ANO3: variants seen among roughly 807,000 people sequenced by gnomAD.
ANO3 encodes anoctamin 3, also known as anoctamin-3.
A neutral mutation model predicts 144.8 loss-of-function variants in ANO3; 99 were observed. The observed-to-expected ratio is 0.68, with a 90% CI of 0.58 to 0.81. The LOEUF is 0.81. Ranked by LOEUF, ANO3 falls within the 30% of genes least tolerant of loss-of-function variation. The probability of loss-of-function intolerance (pLI) is 0.00; values close to 1 mark genes in which losing one functional copy is unlikely to be tolerated. For missense variants in ANO3, 905 were observed against 1,202.2 expected (o/e 0.75, Z 3.66); for synonymous variants, 414 against 392.6 (o/e 1.05, Z -0.64).
At chr11:26,200,358 C>G (rs951520740) in intron 1 of ANO3, among the ~76,000 whole-genome samples, 1 of 152,166 alleles carries the variant, frequency 6.6e-6, no homozygotes, top group African/African-American at 2.4e-5. Context: ...AAATTTCTCT[C>G]AAATATTGTC....
intron 1 of ANO3, among the ~76,000 whole-genome samples, chr11:26,320,519 C>T (rs538552894): frequency 1.9e-4 from 29 of 152,138 alleles, no homozygotes; most frequent in Admixed American, 1.4e-3. Flanking sequence ...TCTAGATCTT[C>T]GTTTACTTTT....
chr11:26,429,106 G>T (rs186033639), intron 1 of ANO3, among the ~76,000 whole-genome samples: 2 of 152,080 alleles, frequency 1.3e-5, no homozygotes, highest in South Asian at 2.1e-4. Context: ...GCTGGTAAGC[G>T]CAATTCATTG....
Position 26,238,434 on chromosome 11 carries a change from G to A in ANO3, c.154+49104G>A, listed in dbSNP as rs181515488. Among the ~76,000 whole-genome samples, 37 of 152,118 alleles carry A rather than the reference G, an allele frequency of 2.4e-4. No homozygotes were observed. In the East Asian group the frequency reaches 4.1e-3, roughly 17 times the overall value. ...ATCATCATAGGTTAAGACTGAAAAG[G>A]TTAGGAGGTAATCTGATTTAACATT... On this transcript the variant is annotated intron_variant, in intron 1 of 27. Coordinates refer to the ANO3 transcript ENST00000672621.
chr11:26,371,588 T>G (rs951937646), intron 1 of ANO3, among the ~76,000 whole-genome samples: 3 of 152,180 alleles, frequency 2.0e-5, no homozygotes, highest in Admixed American at 2.0e-4. Flanking sequence ...CGCCAGCCCA[T>G]GAGGGCAGCC....
At chr11:26,406,147 T>A (rs1273884379) in intron 1 of ANO3, among the ~76,000 whole-genome samples, 1 of 151,920 alleles carries the variant, frequency 6.6e-6, no homozygotes, top group Non-Finnish European at 1.5e-5. Context: ...GTATTTCTTA[T>A]GGGCTTGGAG....
At chr11:26,627,507 A>G (rs1332549605) in intron 18 of ANO3, among the ~76,000 whole-genome samples, 1 of 151,980 alleles carries the variant, frequency 6.6e-6, no homozygotes, top group African/African-American at 2.4e-5. Context: ...TCTGAGCTGC[A>G]TTTTCTTCAG....
chr11:26,663,038 G>T lies in ANO3; in HGVS notation c.*2594G>T, dbSNP rs903804958. The T allele has an allele frequency of 6.6e-6, 1 of 152,366 alleles. No individual in the cohort carries two copies. Among genetic ancestry groups the T allele is most frequent in the African/African-American group, 2.4e-5 (1 of 41,384 alleles). The allele number at this position is 152,366 out of a possible 1,614,324, so 9.4% of individuals were successfully genotyped here. On this transcript the variant is annotated 3_prime_UTR_variant, in exon 27 of 27. Coordinates refer to ENST00000256737, the MANE Select transcript of ANO3 (RefSeq NM_031418.4). ...TATATATGTGCATGCAGTCTGCCTT[G>T]ACAAGTTGTTCCAAGCTGAAGAGCT...
At chr11:26,537,679 T>C (rs1849546712) in intron 10 of ANO3, among the ~76,000 whole-genome samples, 1 of 152,180 alleles carries the variant, frequency 6.6e-6, no homozygotes, top group Non-Finnish European at 1.5e-5. Flanking sequence ...AATCCCAGCC[T>C]TAGCGAGAAC....
Position 26,371,503 on chromosome 11 carries a change from A to G in ANO3, c.46+39182A>G, listed in dbSNP as rs78758243. 8.1e-4 allele frequency among the ~76,000 whole-genome samples: 124 copies of G among 152,306 alleles called. 1 individual carries two copies. Among genetic ancestry groups the G allele is most frequent in the African/African-American group, 2.9e-3 (122 of 41,580 alleles). ...GAGCTGTAAGAAGAGGACCATCATC[A>G]TCATCCTTTAGACCCAGAATGGTAG... On this transcript the variant is annotated intron_variant, in intron 1 of 26. Transcript: ENST00000256737.
At chr11:26,441,118 T>TGTTTTG (rs1376441077) in intron 1 of ANO3, among the ~76,000 whole-genome samples, 7 of 120,758 alleles carry the variant, frequency 5.8e-5, no homozygotes, top group African/African-American at 2.3e-4. Context: ...TTTTTTTTTT[T>TGTTTTG]TTTTTTTTTT....
At chr11:26,257,433 A>G (rs76206515) in intron 1 of ANO3, among the ~76,000 whole-genome samples, 2,794 of 152,218 alleles carry the variant, frequency 0.018, 68 homozygotes, top group East Asian at 0.12. Flanking sequence ...GTCTCCCAAC[A>G]GTTAAATCCT....
chr11:26,590,937 A>G (rs1025476988), intron 14 of ANO3, among the ~76,000 whole-genome samples: 1 of 152,120 alleles, frequency 6.6e-6, no homozygotes, highest in African/African-American at 2.4e-5. Flanking sequence ...GGGGACCCAA[A>G]GGGGGTTGCC....
chr11:26,633,033 C>G (rs966996685), intron 18 of ANO3, among the ~76,000 whole-genome samples: 15 of 152,154 alleles, frequency 9.9e-5, no homozygotes, highest in African/African-American at 3.6e-4. Flanking sequence ...TGGCAACTAC[C>G]GCCTTTGGAC....
At chr11:26,365,973 TATATATATATATATATATATATATATA>T (rs1466492144) in intron 1 of ANO3, among the ~76,000 whole-genome samples, 1,534 of 53,424 alleles carry the variant, frequency 0.029, 46 homozygotes, top group Middle Eastern at 0.08. Flanking sequence ...TATATATATA[TATATATATATATATATATATATATATA>T]TATTTTAATT....
intron 17 of ANO3, among the ~76,000 whole-genome samples, chr11:26,616,229 G>A (rs1430383356): frequency 6.6e-6 from 1 of 152,102 alleles, no homozygotes; most frequent in Admixed American, 6.6e-5. Flanking sequence ...ACTTTCCTCA[G>A]TTCATAATGC....
At chr11:26,544,251 C>CACACATATATATAT (rs1183023481) in intron 11 of ANO3, among the ~76,000 whole-genome samples, 20 of 38,472 alleles carry the variant, frequency 5.2e-4, no homozygotes, top group African/African-American at 1.1e-3. Flanking sequence ...TTTCATTATA[C>CACACATATATATAT]ATATATATAT....
intron 4 of ANO3, among the ~76,000 whole-genome samples, chr11:26,473,582 CA>C (rs1265536932): frequency 6.7e-6 from 1 of 148,860 alleles, no homozygotes; most frequent in Non-Finnish European, 1.5e-5. Flanking sequence ...ACTCCGCTAT[CA>C]AAAAAGTGTT....
At chr11:26,508,018 T>C in intron 4 of ANO3, 86 bp from the exon 5 acceptor site, 1 of 1,162,320 alleles carries the variant, frequency 8.6e-7, no homozygotes, top group Non-Finnish European at 1.2e-6. Context: ...GATATTGTAT[T>C]GCCAGTGTTC....
chr11:26,543,736 G>A (rs1044838904), intron 11 of ANO3, among the ~76,000 whole-genome samples: 1 of 152,062 alleles, frequency 6.6e-6, no homozygotes, highest in African/African-American at 2.4e-5. Context: ...GAGATAGTTT[G>A]CTCAGAATGA....
Sources: gnomAD v4.1 joint callset for allele counts (sites outside exome capture counted in the v4.1 genomes callset) on GRCh38, gnomAD v4.1.1 for gene constraint, MANE v1.5 for transcripts, NCBI Gene and HGNC (gene_info 2026-07-23, HGNC 2026-07-21) for gene names.